The following YWHAZ variants were observed in gnomAD, a reference collection of about 807,000 sequenced individuals.
YWHAZ encodes the protein tyrosine 3-monooxygenase/tryptophan 5-monooxygenase activation protein zeta.
For missense variants in YWHAZ, 79 were observed against 284.8 expected (o/e 0.28, Z 5.20); for synonymous variants, 87 against 103.6 (o/e 0.84, Z 0.97).
At chr8:100,927,581 T>C (rs1813452460) in intron 2 of YWHAZ, among the ~76,000 whole-genome samples, 1 of 152,198 alleles carries the variant, frequency 6.6e-6, no homozygotes, top group Non-Finnish European at 1.5e-5. Flanking sequence ...TTTAACCCCC[T>C]CTATGTATGC....
chr8:100,935,195 T>C (rs1024270420), intron 2 of YWHAZ: 1 of 152,150 alleles, frequency 6.6e-6, no homozygotes, highest in African/African-American at 2.4e-5. Context: ...TTCACACACA[T>C]ATATACTCTT....
chr8:100,927,903 A>C (rs983242654), intron 2 of YWHAZ, among the ~76,000 whole-genome samples: 1 of 152,240 alleles, frequency 6.6e-6, no homozygotes, highest in African/African-American at 2.4e-5. Flanking sequence ...GGTAAACAGC[A>C]GTCAGGCTGC....
At chr8:100,939,985 T>A (rs931957063) in intron 2 of YWHAZ, among the ~76,000 whole-genome samples, 1 of 147,790 alleles carries the variant, frequency 6.8e-6, no homozygotes, top group Non-Finnish European at 1.5e-5. Context: ...ATCGCGCCAC[T>A]GCACTCCAGC....
In YWHAZ at chr8:100,916,686, G is replaced by A. The variant is rs757879431; in HGVS notation, c.*4007C>T. The A allele has an allele frequency of 6.6e-6, 1 of 152,164 alleles. No individual in the cohort carries two copies. Among genetic ancestry groups the A allele is most frequent in the Non-Finnish European group, 1.5e-5 (1 of 68,020 alleles). The allele number at this position is 152,164 out of a possible 1,614,324, so 9.4% of individuals were successfully genotyped here. Reference sequence around the variant, plus strand: ...ATATGATCAAATATTCACATCTCTGGTATCACCTAGGATTGGCTAACATTA... The same window carrying A: ...ATATGATCAAATATTCACATCTCTGATATCACCTAGGATTGGCTAACATTA... On this transcript the variant is annotated 3_prime_UTR_variant, in exon 6 of 6. Coordinates refer to ENST00000395958, the MANE Select transcript of YWHAZ (RefSeq NM_145690.3).
At chr8:100,951,353 G>C in intron 1 of YWHAZ, 2 of 984,676 alleles carry the variant, frequency 2.0e-6, no homozygotes, top group South Asian at 4.7e-5. Context: ...CTCCCGGGGT[G>C]GGGGAGGGCC....
At position 100,920,469 on chromosome 8, in the gene YWHAZ, A is replaced by G; in HGVS notation, c.*224T>C. The G allele has an allele frequency of 3.5e-6, 2 of 563,772 alleles. No homozygotes were observed. The highest frequency in any genetic ancestry group is 3.3e-5 in the Admixed American group (1 of 30,372). 34.9% of individuals were successfully genotyped at this position (563,772 alleles called of 1,614,324 possible). ...ACTTGTATAAAAATTCCACATCCCC[A>G]TATTGGCCACCTCAAGATGAAAACA... On this transcript the variant is annotated 3_prime_UTR_variant, in exon 6 of 6. Transcript: ENST00000395958.
At chr8:100,932,042 ACT>A (rs1813800817) in intron 2 of YWHAZ, 2 of 152,310 alleles carry the variant, frequency 1.3e-5, no homozygotes, top group South Asian at 2.1e-4. Context: ...CTAAATTCAA[ACT>A]CTGTCACCTT....
intron 1 of YWHAZ, chr8:100,951,162 G>A (rs1810733650): frequency 1.0e-6 from 1 of 984,988 alleles, no homozygotes; most frequent in African/African-American, 1.7e-5. Flanking sequence ...TAGGTCCCAG[G>A]CGAGCCCCAC....
At chr8:100,937,018 A>G (rs1471189620) in intron 2 of YWHAZ, among the ~76,000 whole-genome samples, 1 of 152,230 alleles carries the variant, frequency 6.6e-6, no homozygotes, top group Non-Finnish European at 1.5e-5. Flanking sequence ...ACAGGAAATT[A>G]CAGTAAAACA....
Position 100,920,664 on chromosome 8 carries a change from A to C in YWHAZ, c.*29T>G, listed in dbSNP as rs541647261. 1.3e-6 allele frequency: 2 copies of C among 1,583,482 alleles called. No individual in the cohort carries two copies. Among genetic ancestry groups the C allele is most frequent in the Admixed American group, 1.7e-5 (1 of 59,888 alleles). ...AAATGGTCTACTGTGTAAATTTTAG[A>C]ATGAGGCAGACAAAAGTTGGAAGGC... On this transcript the variant is annotated 3_prime_UTR_variant, in exon 6 of 6. Transcript: ENST00000395958.
upstream of YWHAZ, chr8:100,952,873 C>G: frequency 1.0e-6 from 1 of 1,000,476 alleles, no homozygotes; most frequent in Non-Finnish European, 1.2e-6. Context: ...GGAAGCGGTC[C>G]TAGACCTTTT....
In YWHAZ at chr8:100,916,805, T is replaced by C. The variant is rs1181743678; in HGVS notation, c.*3888A>G. On this transcript the variant is annotated 3_prime_UTR_variant, in exon 6 of 6. Transcript: ENST00000395958. ...GTTGGACATCCTGTTACAATCTATA[T>C]TCAGGTCTCTCCACTTTGAAAAGGA... is the stretch of plus-strand genomic sequence containing the variant. The C allele has an allele frequency of 6.6e-6, 1 of 152,220 alleles. No individual in the cohort carries two copies. The highest frequency in any genetic ancestry group is 1.5e-5 in the Non-Finnish European group (1 of 68,038). 9.4% of individuals were successfully genotyped at this position (152,220 alleles called of 1,614,324 possible).
At chr8:100,937,524 A>T (rs1363172783) in intron 2 of YWHAZ, among the ~76,000 whole-genome samples, 1 of 152,216 alleles carries the variant, frequency 6.6e-6, no homozygotes, top group Non-Finnish European at 1.5e-5. Context: ...TCAAAGCAAA[A>T]CAATCAACCT....
chr8:100,941,182 A>T (rs1408601193), intron 2 of YWHAZ, among the ~76,000 whole-genome samples: 1 of 152,226 alleles, frequency 6.6e-6, no homozygotes, highest in African/African-American at 2.4e-5. Context: ...TCAACTGTCA[A>T]TTCCACAGAA....
intron 2 of YWHAZ, among the ~76,000 whole-genome samples, chr8:100,931,537 G>A (rs957067279): frequency 5.3e-5 from 8 of 152,070 alleles, no homozygotes; most frequent in Admixed American, 1.3e-4. Flanking sequence ...AATGCAAATC[G>A]TATAAACTCT....
intron 2 of YWHAZ, among the ~76,000 whole-genome samples, chr8:100,933,369 A>G (rs1031946899): frequency 6.6e-6 from 1 of 151,728 alleles, no homozygotes; most frequent in Non-Finnish European, 1.5e-5. Flanking sequence ...AAAAAAAAAA[A>G]AGGAAGAAAA....
rs1813236420 is a variant in YWHAZ at position 100,924,610 on chromosome 8, G to A, written c.418+306C>T. Among the ~76,000 whole-genome samples the A allele has an allele frequency of 6.6e-6, 1 of 152,162 alleles. No individual in the cohort carries two copies. Among genetic ancestry groups the A allele is most frequent in the African/African-American group, 2.4e-5 (1 of 41,530 alleles). Reference sequence around the variant, plus strand: ...GCCTCCAGATTAGCTGGGACCAAAGGCTTGCACCACCATGCCCAGCTAATT... The same window carrying A: ...GCCTCCAGATTAGCTGGGACCAAAGACTTGCACCACCATGCCCAGCTAATT... On this transcript the variant is annotated intron_variant, in intron 3 of 5. Transcript: ENST00000395958. This position sits in a 1 kb window ranked among gnomAD's most constrained non-coding sequence, Gnocchi z 5.7.
intron 2 of YWHAZ, among the ~76,000 whole-genome samples, chr8:100,942,510 G>A (rs1401119639): frequency 6.6e-6 from 1 of 152,170 alleles, no homozygotes; most frequent in Non-Finnish European, 1.5e-5. Flanking sequence ...TTACATTTGT[G>A]CCATCTAAAT....
rs1030707821 is a variant in YWHAZ at position 100,917,798 on chromosome 8, T to C, written c.*2895A>G. 1.3e-5 allele frequency: 2 copies of C among 152,194 alleles called. No homozygotes were observed. The highest frequency in any genetic ancestry group is 4.8e-5 in the African/African-American group (2 of 41,456). The allele number at this position is 152,194 out of a possible 1,614,324, so 9.4% of individuals were successfully genotyped here. A position where few individuals can be genotyped will look rare whatever the true frequency, so the allele number is the denominator to read the frequency against. On this transcript the variant is annotated 3_prime_UTR_variant, in exon 6 of 6. Coordinates refer to ENST00000395958, the MANE Select transcript of YWHAZ (RefSeq NM_145690.3). ...TTCCAATTTCCTGGCACTAGGATGT[T>C]ACATTGACAAAAGCAGACGTAAAGC... is the stretch of plus-strand genomic sequence containing the variant.
Sources: gnomAD v4.1 joint callset for allele counts (sites outside exome capture counted in the v4.1 genomes callset) on GRCh38, gnomAD v4.1.1 for gene constraint, Gnocchi (gnomAD v3.1) non-coding constraint, MANE v1.5 for transcripts, NCBI Gene and HGNC (gene_info 2026-07-23, HGNC 2026-07-21) for gene names.